The following WNT5B variants were observed in gnomAD, a reference collection of about 807,000 sequenced individuals.
WNT5B encodes the protein Wnt family member 5B, also known as protein Wnt-5b.
Under a neutral mutation model 36.5 loss-of-function variants are expected in WNT5B, and 18 were observed. The observed-to-expected ratio is 0.49, with a 90% confidence interval of 0.34 to 0.73. The LOEUF (loss-of-function observed/expected upper bound fraction) is 0.73. Among genes scored for constraint, WNT5B ranks in the 30% least tolerant of loss-of-function variants. The pLI is 0.01. For synonymous variants in WNT5B, 213 were observed against 212.3 expected (o/e 1.00, Z -0.03); for missense variants, 424 against 508.4 (o/e 0.83, Z 1.60).
rs949702514 is a variant in WNT5B, at chr12:1,632,586, T to A, written c.81-72T>A. The A allele has an allele frequency of 1.3e-6, 2 of 1,515,754 alleles. No individual in the cohort carries two copies. The highest frequency in any genetic ancestry group is 2.8e-5 in the African/African-American group (2 of 72,026). The allele number at this position is 1,515,754 out of a possible 1,614,324, so 93.9% of individuals were successfully genotyped here. ...GCATTCAATAAATGTGTTGAATGAA[T>A]GACTTAATGCTGCACACAGGCGTAT... On this transcript the variant is annotated intron_variant, in intron 2 of 4. Coordinates refer to ENST00000397196, the MANE Select transcript of WNT5B (RefSeq NM_032642.3). This position sits in a 1 kb window ranked among gnomAD's most constrained non-coding sequence, Gnocchi z 5.8.
chr12:1,621,193 CA>C (rs2094533419), intron 1 of WNT5B, among the ~76,000 whole-genome samples: 2 of 151,662 alleles, frequency 1.3e-5, no homozygotes, highest in African/African-American at 4.9e-5. Flanking sequence ...GAGATACAAT[CA>C]AGAGACCTTG....
rs2094548830 is a variant in WNT5B at position 1,630,625 on chromosome 12, C to G, written c.-57-673C>G. Among the ~76,000 whole-genome samples the G allele has an allele frequency of 1.3e-5, 2 of 152,222 alleles. No individual in the cohort carries two copies. Among genetic ancestry groups the G allele is most frequent in the African/African-American group, 4.8e-5 (2 of 41,450 alleles). ...GGGGCAGGGGCCGCCTAGGGAGGCA[C>G]CACCTCAGCCGCCAGAGCTTTCCGG... On this transcript the variant is annotated intron_variant, in intron 1 of 4. Coordinates refer to ENST00000397196, the MANE Select transcript of WNT5B (RefSeq NM_032642.3). The surrounding 1 kb of genome is among the most constrained non-coding windows in gnomAD (Gnocchi z 5.3).
intron 3 of WNT5B, among the ~76,000 whole-genome samples, chr12:1,635,911 C>T (rs1054011442): frequency 1.3e-5 from 2 of 152,166 alleles, no homozygotes; most frequent in Non-Finnish European, 1.5e-5. Flanking sequence ...TAGAGAAAAA[C>T]GGACTCACTC....
chr12:1,621,325 G>A (rs963292466), intron 1 of WNT5B, among the ~76,000 whole-genome samples: 1 of 152,130 alleles, frequency 6.6e-6, no homozygotes, highest in African/African-American at 2.4e-5. Context: ...ATATGAAGGT[G>A]TGTAATCAAT....
At chr12:1,628,528 C>G (rs2094544345), upstream of WNT5B, among the ~76,000 whole-genome samples, 3 of 152,258 alleles carry the variant, frequency 2.0e-5, no homozygotes, top group Non-Finnish European at 2.9e-5. Context: ...ATTGCAAAGG[C>G]CTTTTCCTGC....
At chr12:1,620,728 G>A (rs2094532647) in intron 1 of WNT5B, among the ~76,000 whole-genome samples, 2 of 133,994 alleles carry the variant, frequency 1.5e-5, no homozygotes, top group South Asian at 2.4e-4. Context: ...TTTTTTAGAC[G>A]GAGTCTCGCT....
At chr12:1,635,414 T>A (rs778248999) in intron 3 of WNT5B, among the ~76,000 whole-genome samples, 2 of 152,220 alleles carry the variant, frequency 1.3e-5, no homozygotes, top group Non-Finnish European at 2.9e-5. Context: ...TTTCAAACAC[T>A]GAAGAGCTGT....
At chr12:1,639,230 C>T (rs553529795) in intron 3 of WNT5B, among the ~76,000 whole-genome samples, 11 of 150,986 alleles carry the variant, frequency 7.3e-5, no homozygotes, top group East Asian at 5.9e-4. Context: ...CTCCGCCTCC[C>T]GGGTTCACGC....
intron 3 of WNT5B, among the ~76,000 whole-genome samples, chr12:1,636,505 AT>A: frequency 7.4e-5 from 1 of 13,542 alleles, no homozygotes; most frequent in South Asian, 3.6e-3. Context: ...GTCTATATAT[AT>A]ATATATATAT....
upstream of WNT5B, among the ~76,000 whole-genome samples, chr12:1,627,428 A>G (rs1013641035): frequency 6.6e-6 from 1 of 152,048 alleles, no homozygotes; most frequent in African/African-American, 2.4e-5. This position sits in a 1 kb window ranked among gnomAD's most constrained non-coding sequence, Gnocchi z 5.0. Flanking sequence ...CCTGAAATCA[A>G]CCCCTCATCC....
intron 1 of WNT5B, among the ~76,000 whole-genome samples, chr12:1,621,453 G>A (rs1398320364): frequency 6.6e-6 from 1 of 152,188 alleles, no homozygotes; most frequent in Non-Finnish European, 1.5e-5. Flanking sequence ...CATTCCTGCA[G>A]TGTTGCCCCC....
intron 3 of WNT5B, among the ~76,000 whole-genome samples, chr12:1,634,856 T>C (rs574530149): frequency 4.6e-5 from 7 of 152,280 alleles, no homozygotes; most frequent in African/African-American, 1.7e-4. Context: ...TGGAGGCAAC[T>C]TGGGCTGCTA....
intron 3 of WNT5B, among the ~76,000 whole-genome samples, chr12:1,638,468 T>G (rs2154439715): frequency 6.6e-6 from 1 of 152,332 alleles, no homozygotes; most frequent in East Asian, 1.9e-4. Context: ...GGGAGGGTTC[T>G]GGTTTTTCCG....
chr12:1,631,259 T>G, intron 1 of WNT5B, 39 bp from the exon 2 acceptor site: 1 of 1,559,048 alleles, frequency 6.4e-7, no homozygotes, highest in Non-Finnish European at 8.7e-7. Flanking sequence ...CCTTATCCGC[T>G]GAGTTTCCAC....
chr12:1,622,950 C>T (rs115151929), intron 1 of WNT5B, among the ~76,000 whole-genome samples: 3 of 152,212 alleles, frequency 2.0e-5, no homozygotes, highest in Non-Finnish European at 4.4e-5. Flanking sequence ...GACAAAGGAG[C>T]TTGCTCTGCA....
intron 3 of WNT5B, among the ~76,000 whole-genome samples, chr12:1,639,147 CT>C (rs1246979762): frequency 6.7e-6 from 1 of 150,078 alleles, no homozygotes; most frequent in African/African-American, 2.5e-5. Flanking sequence ...GTTTTTTTTT[CT>C]TTTTTTTGAG....
chr12:1,630,283 G>A lies in WNT5B; in HGVS notation c.-58+912G>A, dbSNP rs563398095. On this transcript the variant is annotated intron_variant, in intron 1 of 4. Coordinates refer to ENST00000397196, the MANE Select transcript of WNT5B (RefSeq NM_032642.3). This position sits in a 1 kb window ranked among gnomAD's most constrained non-coding sequence, Gnocchi z 5.3. ...CGGGTCACGCCCAGACGGGGGCCCC[G>A]GAGGACCGCGGGGGAGCCGCAGGGG... 31 of 967,890 alleles carry A rather than the reference G, an allele frequency of 3.2e-5. No individual in the cohort carries two copies. In the South Asian group the frequency reaches 1.1e-3, roughly 36 times the overall value. 60.0% of individuals were successfully genotyped at this position (967,890 alleles called of 1,614,324 possible).
At chr12:1,626,507 C>T (rs1366965528), upstream of WNT5B, among the ~76,000 whole-genome samples, 3 of 152,006 alleles carry the variant, frequency 2.0e-5, no homozygotes, top group Admixed American at 1.3e-4. Flanking sequence ...GGGTAATCCA[C>T]CTGCCTCGGC....
chr12:1,628,304 T>A (rs1180793779), upstream of WNT5B, among the ~76,000 whole-genome samples: 1 of 152,164 alleles, frequency 6.6e-6, no homozygotes, highest in African/African-American at 2.4e-5. Context: ...TGCAGGCATG[T>A]GCCACCACAT....
Sources: allele counts gnomAD v4.1 joint callset (sites outside exome capture counted in the v4.1 genomes callset), GRCh38; gene constraint gnomAD v4.1.1; non-coding constraint Gnocchi (gnomAD v3.1); transcripts MANE v1.5; gene names NCBI Gene and HGNC (gene_info 2026-07-23, HGNC 2026-07-21).